Variants in NPAS2 observed in about 807,000 individuals in gnomAD.
The protein encoded by NPAS2 is neuronal PAS domain protein 2.
A neutral mutation model predicts 107.5 loss-of-function variants in NPAS2; 23 were observed. The ratio of observed to expected loss-of-function variants is 0.21; its 90% CI spans 0.15 to 0.30. The LOEUF (loss-of-function observed/expected upper bound fraction) is 0.30, where lower values mean the gene tolerates loss of function less well. Among genes scored for constraint, NPAS2 ranks in the 10% least tolerant of loss-of-function variants. The pLI is 1.00. For missense variants in NPAS2, 756 were observed against 1,043.3 expected (o/e 0.72, Z 3.79); for synonymous variants, 403 against 417.5 (o/e 0.97, Z 0.42).
intron 4 of NPAS2, among the ~76,000 whole-genome samples, chr2:100,933,596 G>A (rs565444509): frequency 6.6e-6 from 1 of 152,236 alleles, no homozygotes; most frequent in Non-Finnish European, 1.5e-5. Flanking sequence ...CTCATCTACA[G>A]GGCCGTATTT....
At chr2:100,875,495 C>G (rs1679903779) in intron 1 of NPAS2, among the ~76,000 whole-genome samples, 1 of 150,474 alleles carries the variant, frequency 6.6e-6, no homozygotes, top group Non-Finnish European at 1.5e-5. Flanking sequence ...CACACACACA[C>G]ACACACACAC....
chr2:100,911,804 G>A (rs1682564835), intron 2 of NPAS2, among the ~76,000 whole-genome samples: 1 of 152,094 alleles, frequency 6.6e-6, no homozygotes, highest in African/African-American at 2.4e-5. Flanking sequence ...GCTAATTTTT[G>A]TATTTTTAGT....
intron 1 of NPAS2, among the ~76,000 whole-genome samples, chr2:100,848,106 A>G (rs1677897313): frequency 6.6e-6 from 1 of 152,202 alleles, no homozygotes. Flanking sequence ...GAGGAAGCAG[A>G]GGCCCAGGGA....
chr2:100,975,020 C>A (rs1676879552), intron 13 of NPAS2, 76 bp downstream of exon 13: 2 of 1,532,586 alleles, frequency 1.3e-6, no homozygotes, highest in South Asian at 1.2e-5. Context: ...GGGTCCCGGG[C>A]CCAAGTGGAA....
At chr2:100,878,223 C>T in intron 1 of NPAS2, 1 of 985,368 alleles carries the variant, frequency 1.0e-6, no homozygotes, top group Non-Finnish European at 1.2e-6. Context: ...CTAGGGAAAG[C>T]TGGGCAGAAG....
intron 1 of NPAS2, among the ~76,000 whole-genome samples, chr2:100,855,210 C>T (rs2104498294): frequency 6.6e-6 from 1 of 152,258 alleles, no homozygotes; most frequent in South Asian, 2.1e-4. Flanking sequence ...AGTCACTATC[C>T]ACTGGGTCAT....
intron 16 of NPAS2, chr2:100,985,492 T>G (rs1677728944): frequency 6.6e-6 from 1 of 152,252 alleles, no homozygotes; most frequent in African/African-American, 2.4e-5. Flanking sequence ...GCTGTTACAG[T>G]CTGTTACATA....
At chr2:100,972,306 GT>G (rs1188659383) in intron 12 of NPAS2, among the ~76,000 whole-genome samples, 2 of 152,190 alleles carry the variant, frequency 1.3e-5, no homozygotes, top group African/African-American at 4.8e-5. Flanking sequence ...TGAAACAAGT[GT>G]TTCTTTTCAT....
chr2:100,903,670 T>C (rs1202618647), intron 1 of NPAS2, among the ~76,000 whole-genome samples: 2 of 152,180 alleles, frequency 1.3e-5, no homozygotes, highest in African/African-American at 2.4e-5. Context: ...GCAGTGGTGA[T>C]TCAGCTTCTC....
intron 1 of NPAS2, among the ~76,000 whole-genome samples, chr2:100,882,638 A>G (rs7571261): frequency 0.55 from 82,884 of 152,056 alleles, 23,780 homozygotes; most frequent in African/African-American, 0.72. Flanking sequence ...ACAAAAAACG[A>G]TGGGGTCCCC....
intron 1 of NPAS2, among the ~76,000 whole-genome samples, chr2:100,898,690 TTATA>T (rs1681578073): frequency 6.6e-6 from 1 of 152,054 alleles, no homozygotes; most frequent in African/African-American, 2.4e-5. Flanking sequence ...GGTTCACTCA[TTATA>T]TATCTAAGTC....
intron 4 of NPAS2, among the ~76,000 whole-genome samples, chr2:100,936,997 AAAAAC>A (rs1379365336): frequency 6.6e-6 from 1 of 151,784 alleles, no homozygotes; most frequent in Non-Finnish European, 1.5e-5. Context: ...AAAAAAAAAA[AAAAAC>A]CATGAGCAAA....
At chr2:100,856,528 G>T (rs1051885023) in intron 1 of NPAS2, among the ~76,000 whole-genome samples, 2 of 152,112 alleles carry the variant, frequency 1.3e-5, no homozygotes, top group African/African-American at 4.8e-5. Flanking sequence ...TCAGGGTAAA[G>T]AAAAGAAAAT....
intron 5 of NPAS2, among the ~76,000 whole-genome samples, chr2:100,943,801 T>C (rs1228850874): frequency 1.3e-5 from 2 of 152,116 alleles, no homozygotes; most frequent in African/African-American, 4.8e-5. Context: ...CATCCATGGG[T>C]CTGTGTGGGG....
At chr2:100,991,228 G>A (rs1338335575) in intron 19 of NPAS2, among the ~76,000 whole-genome samples, 1 of 151,932 alleles carries the variant, frequency 6.6e-6, no homozygotes, top group African/African-American at 2.4e-5. Flanking sequence ...CTGACATGCC[G>A]CAGGCACACT....
intron 3 of NPAS2, among the ~76,000 whole-genome samples, chr2:100,926,896 A>G (rs1683601241): frequency 6.7e-6 from 1 of 148,640 alleles, no homozygotes; most frequent in South Asian, 2.1e-4. Flanking sequence ...ATTTATATCT[A>G]TGTTTTCTTC....
chr2:100,836,885 A>G (rs1164828868), intron 1 of NPAS2, among the ~76,000 whole-genome samples: 2 of 152,242 alleles, frequency 1.3e-5, no homozygotes, highest in Non-Finnish European at 2.9e-5. Flanking sequence ...TTTGAAAAGA[A>G]CATGAGATGA....
chr2:100,844,564 T>C (rs1423106446), intron 1 of NPAS2, among the ~76,000 whole-genome samples: 1 of 152,218 alleles, frequency 6.6e-6, no homozygotes, highest in African/African-American at 2.4e-5. Context: ...CTGATATGCA[T>C]CGACTGCAGA....
chr2:100,893,248 A>G (rs780109424), intron 1 of NPAS2, among the ~76,000 whole-genome samples: 3 of 152,198 alleles, frequency 2.0e-5, no homozygotes, highest in Non-Finnish European at 2.9e-5. Flanking sequence ...CGTTAATCCA[A>G]AACGACATGA....
Sources: allele counts gnomAD v4.1 joint callset (sites outside exome capture counted in the v4.1 genomes callset), GRCh38; gene constraint gnomAD v4.1.1; transcripts MANE v1.5; gene names NCBI Gene and HGNC (gene_info 2026-07-23, HGNC 2026-07-21).